Variants in STXBP5L observed in about 807,000 individuals in gnomAD.
STXBP5L encodes the protein syntaxin-binding protein 5-like.
A neutral mutation model predicts 144.5 loss-of-function variants in STXBP5L; 65 were observed. That is an observed-to-expected ratio of 0.45 (90% CI 0.37 to 0.55). The LOEUF is 0.55. STXBP5L is among the 20% of genes least tolerant of loss of function. The probability of loss-of-function intolerance (pLI) is 0.00; values close to 1 mark genes in which losing one functional copy is unlikely to be tolerated. For synonymous variants in STXBP5L, 505 were observed against 469.6 expected (o/e 1.08, Z -0.97); for missense variants, 1,298 against 1,405.5 (o/e 0.92, Z 1.22).
intron 5 of STXBP5L, among the ~76,000 whole-genome samples, chr3:121,084,435 C>T (rs1186179867): frequency 3.3e-5 from 5 of 152,150 alleles, no homozygotes; most frequent in Admixed American, 6.5e-5. Flanking sequence ...TCAGCTCCCA[C>T]TTATAAGTGA....
At chr3:121,311,265 G>A (rs568317660) in intron 19 of STXBP5L, among the ~76,000 whole-genome samples, 8 of 152,236 alleles carry the variant, frequency 5.3e-5, no homozygotes, top group South Asian at 4.1e-4. Flanking sequence ...AAGTTGCTAC[G>A]GAGAATGCAA....
At chr3:121,369,960 A>G (rs2045981766) in intron 20 of STXBP5L, among the ~76,000 whole-genome samples, 1 of 152,108 alleles carries the variant, frequency 6.6e-6, no homozygotes, top group Non-Finnish European at 1.5e-5. Context: ...CTCATGTCGA[A>G]TTGTAATTCC....
intron 5 of STXBP5L, among the ~76,000 whole-genome samples, chr3:121,089,541 T>C (rs1301409117): frequency 4.0e-5 from 6 of 151,878 alleles, no homozygotes; most frequent in Non-Finnish European, 1.5e-5. Context: ...TTTTTTCTTT[T>C]CTTCCTTGTT....
At chr3:121,065,021 T>C (rs1184762119) in intron 5 of STXBP5L, among the ~76,000 whole-genome samples, 2 of 152,180 alleles carry the variant, frequency 1.3e-5, no homozygotes, top group Non-Finnish European at 2.9e-5. Flanking sequence ...ACATTAATTC[T>C]TTTAGGATTA....
intron 5 of STXBP5L, among the ~76,000 whole-genome samples, chr3:121,074,327 A>G (rs940647928): frequency 6.6e-6 from 1 of 152,206 alleles, no homozygotes; most frequent in Non-Finnish European, 1.5e-5. Context: ...CATATAATGT[A>G]GCTGCAACTT....
At chr3:121,180,049 T>G (rs193279038) in intron 9 of STXBP5L, among the ~76,000 whole-genome samples, 1 of 152,326 alleles carries the variant, frequency 6.6e-6, no homozygotes, top group Non-Finnish European at 1.5e-5. Flanking sequence ...CCGGCCTTAC[T>G]AGAGATCTAG....
rs113552717 is a variant in STXBP5L at position 121,274,768 on chromosome 3, A to G, written c.1959-5037A>G. 2.5e-3 allele frequency among the ~76,000 whole-genome samples: 382 copies of G among 152,252 alleles called. 2 individuals carry two copies. Among genetic ancestry groups the G allele is most frequent in the African/African-American group, 8.6e-3 (359 of 41,538 alleles). ...TGAGAACCTGTGTCATCTTTGGGGAATGCCATGATGACTTGGTCCCAGGGG... is the reference window on the plus strand; with the variant it reads ...TGAGAACCTGTGTCATCTTTGGGGAGTGCCATGATGACTTGGTCCCAGGGG... On this transcript the variant is annotated intron_variant, in intron 18 of 26. Coordinates refer to ENST00000471454, the MANE Select transcript of STXBP5L (RefSeq NM_001308330.2).
chr3:120,960,694 G>C (rs184203209), intron 3 of STXBP5L, among the ~76,000 whole-genome samples: 2 of 152,174 alleles, frequency 1.3e-5, no homozygotes, highest in East Asian at 3.9e-4. Flanking sequence ...CTCACTCATA[G>C]GTGGGAATTG....
At chr3:121,024,368 T>A (rs1387479035) in intron 3 of STXBP5L, among the ~76,000 whole-genome samples, 1 of 152,170 alleles carries the variant, frequency 6.6e-6, no homozygotes, top group Admixed American at 6.5e-5. Context: ...GTGGCTTTAC[T>A]TTAGGAATTC....
chr3:121,214,888 T>C (rs1385148586), intron 10 of STXBP5L, among the ~76,000 whole-genome samples: 1 of 152,200 alleles, frequency 6.6e-6, no homozygotes, highest in Non-Finnish European at 1.5e-5. Flanking sequence ...ATCTGGGTGC[T>C]CCTGTATTGG....
chr3:121,041,106 CTCTT>C (rs1289255743), intron 3 of STXBP5L, among the ~76,000 whole-genome samples: 5 of 150,418 alleles, frequency 3.3e-5, no homozygotes, highest in African/African-American at 9.8e-5. Flanking sequence ...TTTTCTCTCT[CTCTT>C]ACTTATATGT....
chr3:121,241,700 G>A (rs2049677834), intron 14 of STXBP5L, among the ~76,000 whole-genome samples: 2 of 152,138 alleles, frequency 1.3e-5, no homozygotes, highest in Admixed American at 6.6e-5. Context: ...AAATGAGGAA[G>A]GAAGAGAAGA....
intron 19 of STXBP5L, 47 bp from the exon 20 acceptor site, chr3:121,318,427 AC>A (rs1401451985): frequency 6.8e-7 from 1 of 1,460,978 alleles, no homozygotes; most frequent in Non-Finnish European, 9.2e-7. Context: ...AGAATAACCT[AC>A]AAAATGCTAG....
In STXBP5L at chr3:120,987,593, G is replaced by T. The variant is rs146759486; in HGVS notation, c.287+32556G>T. 2.3e-4 allele frequency among the ~76,000 whole-genome samples: 35 copies of T among 151,670 alleles called. No homozygotes were observed. In the East Asian group the frequency reaches 5.0e-3, roughly 22 times the overall value. ...TATTTTCACCCTCTTAACTTGACAG[G>T]GTTCTTCACAGAGGACGGCTTATCA... On this transcript the variant is annotated intron_variant, in intron 3 of 26. Coordinates refer to ENST00000471454, the MANE Select transcript of STXBP5L (RefSeq NM_001308330.2).
intron 19 of STXBP5L, among the ~76,000 whole-genome samples, chr3:121,305,719 T>G (rs867646634): frequency 1.3e-5 from 2 of 152,272 alleles, no homozygotes; most frequent in Non-Finnish European, 2.9e-5. Context: ...CTTTTTTTTG[T>G]AGAATCAGTA....
intron 20 of STXBP5L, among the ~76,000 whole-genome samples, chr3:121,376,892 CTT>C (rs774972155): frequency 6.6e-5 from 10 of 152,292 alleles, no homozygotes; most frequent in Non-Finnish European, 1.3e-4. Flanking sequence ...TTTGTGTCCT[CTT>C]TTATTTCTTT....
intron 19 of STXBP5L, among the ~76,000 whole-genome samples, chr3:121,306,651 C>T (rs2043347010): frequency 6.6e-6 from 1 of 151,994 alleles, no homozygotes; most frequent in Non-Finnish European, 1.5e-5. Context: ...CTCTCAAGAC[C>T]AATGGGAAAT....
chr3:120,911,886 G>A (rs1708858977), intron 2 of STXBP5L, among the ~76,000 whole-genome samples: 1 of 151,928 alleles, frequency 6.6e-6, no homozygotes, highest in Non-Finnish European at 1.5e-5. Flanking sequence ...AAATTAGACC[G>A]TTACTGAAAT....
At chr3:121,403,149 TG>T (rs1417672696) in intron 22 of STXBP5L, among the ~76,000 whole-genome samples, 4 of 152,150 alleles carry the variant, frequency 2.6e-5, no homozygotes, top group Non-Finnish European at 5.9e-5. Flanking sequence ...CCTATCTGCT[TG>T]TATCTTCATG....
Sources: allele counts gnomAD v4.1 joint callset (sites outside exome capture counted in the v4.1 genomes callset), GRCh38; gene constraint gnomAD v4.1.1; transcripts MANE v1.5; gene names NCBI Gene and HGNC (gene_info 2026-07-23, HGNC 2026-07-21).